ATOSA: variants seen among roughly 807,000 people sequenced by gnomAD.
ATOSA encodes the protein atos homolog protein A.
the ATOSA span, chr15:52,581,930 G>C: frequency 2.6e-6 from 1 of 390,636 alleles, no homozygotes; most frequent in African/African-American, 2.1e-5. Flanking sequence ...ATTGCAACAT[G>C]TCCAATGAAG....
chr15:52,594,912 G>A, the ATOSA span, among the ~76,000 whole-genome samples: 1 of 152,034 alleles, frequency 6.6e-6, no homozygotes, highest in Admixed American at 6.6e-5. Flanking sequence ...CTGTCTATAG[G>A]ATGAGGTCAA....
chr15:52,661,016 A>T, the ATOSA span, among the ~76,000 whole-genome samples: 2 of 152,326 alleles, frequency 1.3e-5, no homozygotes, highest in African/African-American at 4.8e-5. Context: ...GTAGCCCTTT[A>T]AGTAGGTATT....
At chr15:52,634,360 C>T in the ATOSA span, among the ~76,000 whole-genome samples, 1 of 151,794 alleles carries the variant, frequency 6.6e-6, no homozygotes, top group Non-Finnish European at 1.5e-5. Context: ...GCCAAAATTG[C>T]ACCACTGCAC....
chr15:52,611,243 T>A, the ATOSA span: 4 of 1,612,752 alleles, frequency 2.5e-6, no homozygotes, highest in East Asian at 8.9e-5. Flanking sequence ...CTTCAATAAA[T>A]CGGTCACCAT....
chr15:52,610,427 T>C, the ATOSA span: 1 of 1,523,120 alleles, frequency 6.6e-7, no homozygotes, highest in East Asian at 2.3e-5. Context: ...ATTATAAAGG[T>C]TAGATCCTTA....
the ATOSA span, among the ~76,000 whole-genome samples, chr15:52,695,964 A>C: frequency 6.6e-6 from 1 of 152,168 alleles, no homozygotes; most frequent in African/African-American, 2.4e-5. Context: ...GTCGGGAGAC[A>C]GTAGAAAATG....
At chr15:52,641,607 A>G in the ATOSA span, among the ~76,000 whole-genome samples, 2 of 152,268 alleles carry the variant, frequency 1.3e-5, no homozygotes, top group African/African-American at 4.8e-5. Context: ...AGCCAGTTGA[A>G]GGAGGCAGGC....
the ATOSA span, among the ~76,000 whole-genome samples, chr15:52,596,910 T>C: frequency 6.6e-6 from 1 of 152,144 alleles, no homozygotes; most frequent in African/African-American, 2.4e-5. Flanking sequence ...GAAAAAATAT[T>C]TGGAAAACAT....
At chr15:52,634,777 T>C in the ATOSA span, among the ~76,000 whole-genome samples, 2 of 152,052 alleles carry the variant, frequency 1.3e-5, no homozygotes, top group African/African-American at 4.8e-5. Flanking sequence ...AATTTTTGTA[T>C]TTTTGGTAGA....
the ATOSA span, among the ~76,000 whole-genome samples, chr15:52,593,035 T>C: frequency 1.3e-5 from 2 of 151,908 alleles, no homozygotes; most frequent in Non-Finnish European, 2.9e-5. Flanking sequence ...GACCCAGCTA[T>C]TTAGGAGCTC....
chr15:52,708,655 C>G, the ATOSA span, among the ~76,000 whole-genome samples: 1 of 152,088 alleles, frequency 6.6e-6, no homozygotes. Flanking sequence ...AATAAATAAC[C>G]CAGCATCCCT....
the ATOSA span, among the ~76,000 whole-genome samples, chr15:52,686,026 T>C: frequency 1.3e-5 from 2 of 152,190 alleles, no homozygotes; most frequent in Non-Finnish European, 2.9e-5. Context: ...GCACCCACTT[T>C]AGGTTCAGTA....
chr15:52,661,521 G>T, the ATOSA span, among the ~76,000 whole-genome samples: 1 of 152,176 alleles, frequency 6.6e-6, no homozygotes, highest in South Asian at 2.1e-4. Flanking sequence ...ACACTCTAAA[G>T]ATCTTTCCAA....
the ATOSA span, among the ~76,000 whole-genome samples, chr15:52,618,025 T>C: frequency 8.0e-6 from 1 of 124,986 alleles, no homozygotes; most frequent in East Asian, 2.5e-4. Context: ...TAAAAACTCA[T>C]CATTCCCCTC....
At chr15:52,667,467 G>A in the ATOSA span, among the ~76,000 whole-genome samples, 1 of 152,224 alleles carries the variant, frequency 6.6e-6, no homozygotes, top group Non-Finnish European at 1.5e-5. Flanking sequence ...TACTATGTAA[G>A]TATTAGATTG....
At chr15:52,614,431 T>A in the ATOSA span, among the ~76,000 whole-genome samples, 4 of 151,980 alleles carry the variant, frequency 2.6e-5, no homozygotes, top group African/African-American at 9.7e-5. Context: ...GGGTCAGGTG[T>A]GGTAGCTTAC....
the ATOSA span, chr15:52,678,049 C>T: frequency 3.1e-6 from 5 of 1,614,006 alleles, no homozygotes; most frequent in Admixed American, 8.3e-5. Flanking sequence ...GCCCAGAGTG[C>T]TGTGAAATGC....
chr15:52,641,746 G>C, the ATOSA span, among the ~76,000 whole-genome samples: 1 of 152,158 alleles, frequency 6.6e-6, no homozygotes, highest in Non-Finnish European at 1.5e-5. Context: ...CTTGCTATAA[G>C]GTTGGTAAGA....
chr15:52,627,548 T>C, the ATOSA span, among the ~76,000 whole-genome samples: 28 of 152,196 alleles, frequency 1.8e-4, no homozygotes, highest in African/African-American at 6.0e-4. Context: ...TAGATCAACT[T>C]TGATCTATGT....
Sources: gnomAD v4.1 joint callset for allele counts (sites outside exome capture counted in the v4.1 genomes callset) on GRCh38, gnomAD v4.1.1 for gene constraint, MANE v1.5 for transcripts, NCBI Gene and HGNC (gene_info 2026-07-23, HGNC 2026-07-21) for gene names.